Variants in GALNT18 observed in about 807,000 individuals in gnomAD.
The protein encoded by GALNT18 is GalNAc-transferase 18.
Under a neutral mutation model 69.5 loss-of-function variants are expected in GALNT18, and 44 were observed. That is an observed-to-expected ratio of 0.63 (90% CI 0.50 to 0.81). The LOEUF (loss-of-function observed/expected upper bound fraction) is 0.81. Ranked by LOEUF, GALNT18 falls within the 40% of genes least tolerant of loss-of-function variation. The probability of loss-of-function intolerance (pLI) is 0.00; values close to 1 mark genes in which losing one functional copy is unlikely to be tolerated. For synonymous variants in GALNT18, 364 were observed against 318.2 expected, an observed-to-expected ratio of 1.14 and a Z score of -1.53; for missense variants, 715 against 810.0, an observed-to-expected ratio of 0.88 and a Z score of 1.42.
intron 1 of GALNT18, among the ~76,000 whole-genome samples, chr11:11,472,453 G>A (rs1437281138): frequency 6.6e-6 from 1 of 152,182 alleles, no homozygotes; most frequent in Non-Finnish European, 1.5e-5. Flanking sequence ...AGAGAGGGAG[G>A]CAGAGAATAC....
chr11:11,468,831 A>G (rs11021864), intron 1 of GALNT18, among the ~76,000 whole-genome samples: 1 of 152,314 alleles, frequency 6.6e-6, no homozygotes, highest in East Asian at 1.9e-4. Flanking sequence ...CTGGTGCTGG[A>G]GAAAATGTTA....
intron 3 of GALNT18, among the ~76,000 whole-genome samples, chr11:11,397,466 G>A (rs535484780): frequency 4.6e-5 from 7 of 152,152 alleles, no homozygotes; most frequent in Non-Finnish European, 1.0e-4. Flanking sequence ...GAGAACTCTT[G>A]AGGACTTTTA....
rs1857645159 is a variant in GALNT18, at chr11:11,531,433, T to C, written c.236-82497A>G. ...CAGACAATCTGTGCTTGCGTGTACA[T>C]AAGTGTATGCGAGTGCATACGCATC... is the stretch of plus-strand genomic sequence containing the variant. On this transcript the variant is annotated intron_variant, in intron 1 of 10. Transcript: ENST00000227756. Among the ~76,000 whole-genome samples, 3 of 152,190 alleles carry C rather than the reference T, an allele frequency of 2.0e-5. No homozygotes were observed. The South Asian group carries it at 6.2e-4, about 31-fold the overall frequency.
At chr11:11,363,004 C>A (rs1298983909) in intron 6 of GALNT18, among the ~76,000 whole-genome samples, 1 of 152,114 alleles carries the variant, frequency 6.6e-6, no homozygotes, top group African/African-American at 2.4e-5. Context: ...TCTCTATATA[C>A]TGTTATAGAA....
At position 11,542,756 on chromosome 11, in the gene GALNT18, T is replaced by A. The variant is rs1365743560; in HGVS notation, c.235+78603A>T. ...TTTGCCTTTGAGTTCCTTTATAGTC[T>A]AAGAGCCCCTTTCTTCATTATTTCT... On this transcript the variant is annotated intron_variant, in intron 1 of 10. Transcript: ENST00000227756. This position sits in a 1 kb window ranked among gnomAD's most constrained non-coding sequence, Gnocchi z 4.3. Among the ~76,000 whole-genome samples, 1 of 152,244 alleles carries A rather than the reference T, an allele frequency of 6.6e-6. No homozygotes were observed. Among genetic ancestry groups the A allele is most frequent in the Admixed American group, 6.5e-5 (1 of 15,288 alleles).
chr11:11,479,487 G>A (rs1197433968), intron 1 of GALNT18, among the ~76,000 whole-genome samples: 1 of 152,186 alleles, frequency 6.6e-6, no homozygotes, highest in Non-Finnish European at 1.5e-5. Context: ...TAGCAAATAT[G>A]AGTTGAAATA....
intron 1 of GALNT18, among the ~76,000 whole-genome samples, chr11:11,507,796 C>A (rs1367829099): frequency 6.6e-6 from 1 of 152,158 alleles, no homozygotes; most frequent in Non-Finnish European, 1.5e-5. Flanking sequence ...GACCCACCCT[C>A]AATCCGGGTG....
Position 11,618,394 on chromosome 11 carries a change from T to C in GALNT18, c.235+2965A>G, listed in dbSNP as rs1860109576. On this transcript the variant is annotated intron_variant, in intron 1 of 10. Coordinates refer to ENST00000227756, the MANE Select transcript of GALNT18 (RefSeq NM_198516.3). The surrounding 1 kb of genome is among the most constrained non-coding windows in gnomAD (Gnocchi z 6.1). ...AGAATGTGCCAGGGACTGTCCTGCA[T>C]GTTCAGTAAACATTAGTTAAAGGAC... Among the ~76,000 whole-genome samples the C allele has an allele frequency of 6.6e-6, 1 of 152,248 alleles. No homozygotes were observed. The highest frequency in any genetic ancestry group is 2.4e-5 in the African/African-American group (1 of 41,462).
At chr11:11,366,937 T>G (rs1850786203) in intron 6 of GALNT18, among the ~76,000 whole-genome samples, 1 of 152,008 alleles carries the variant, frequency 6.6e-6, no homozygotes, top group Non-Finnish European at 1.5e-5. Flanking sequence ...ATTTAATGAG[T>G]TTAGAATAAA....
Position 11,563,863 on chromosome 11 carries a change from G to A in GALNT18, c.235+57496C>T, listed in dbSNP as rs1412653720. 2.0e-5 allele frequency among the ~76,000 whole-genome samples: 3 copies of A among 152,164 alleles called. No individual in the cohort carries two copies. Among genetic ancestry groups the A allele is most frequent in the Non-Finnish European group, 4.4e-5 (3 of 68,042 alleles). On this transcript the variant is annotated intron_variant, in intron 1 of 10. Coordinates refer to ENST00000227756, the MANE Select transcript of GALNT18 (RefSeq NM_198516.3). The surrounding 1 kb of genome is among the most constrained non-coding windows in gnomAD (Gnocchi z 4.6). Reference sequence around the variant, plus strand: ...AACAGATATCCTTTCCCAGGATTTGGGAGCAAATTTTTGCAAAGCTCCCCA... The same window carrying A: ...AACAGATATCCTTTCCCAGGATTTGAGAGCAAATTTTTGCAAAGCTCCCCA...
chr11:11,280,885 G>C (rs1293820768), intron 10 of GALNT18, among the ~76,000 whole-genome samples: 1 of 152,188 alleles, frequency 6.6e-6, no homozygotes, highest in South Asian at 2.1e-4. Context: ...TTAGAAGCTA[G>C]ACTCTTAGGC....
chr11:11,544,076 G>A (rs1392526446), intron 1 of GALNT18, among the ~76,000 whole-genome samples: 1 of 152,210 alleles, frequency 6.6e-6, no homozygotes, highest in Non-Finnish European at 1.5e-5. Flanking sequence ...CCCCTCTAGA[G>A]GCAAGAAACC....
intron 1 of GALNT18, among the ~76,000 whole-genome samples, chr11:11,508,704 T>G (rs894998252): frequency 4.6e-5 from 7 of 152,206 alleles, no homozygotes; most frequent in African/African-American, 1.4e-4. Flanking sequence ...TGGCACTGGT[T>G]AATGATAATG....
intron 1 of GALNT18, among the ~76,000 whole-genome samples, chr11:11,581,667 C>T (rs765837084): frequency 3.9e-5 from 6 of 152,064 alleles, no homozygotes; most frequent in Non-Finnish European, 7.4e-5. Flanking sequence ...CACTTTATCC[C>T]GCCTGGCTCC....
intron 1 of GALNT18, among the ~76,000 whole-genome samples, chr11:11,466,380 C>A (rs966002256): frequency 6.6e-6 from 1 of 152,182 alleles, no homozygotes; most frequent in Non-Finnish European, 1.5e-5. Context: ...GAAACAATGG[C>A]CATTTTGAAA....
In GALNT18 at chr11:11,352,806, A is replaced by T. The variant is rs1257075248; in HGVS notation, c.1093-11802T>A. 3.1e-6 allele frequency: 5 copies of T among 1,614,198 alleles called. No individual in the cohort carries two copies. The South Asian group carries it at 3.3e-5, about 11-fold the overall frequency. On this transcript the variant is annotated intron_variant, in intron 6 of 10. Transcript: ENST00000227756. Reference sequence around the variant, plus strand: ...AAAAACCAAGGCGGGGGTTCGTGACACAGGGTCTTTTACAATGTCTGCCAG... The same window carrying T: ...AAAAACCAAGGCGGGGGTTCGTGACTCAGGGTCTTTTACAATGTCTGCCAG...
intron 3 of GALNT18, among the ~76,000 whole-genome samples, chr11:11,431,344 G>A (rs1218572544): frequency 6.6e-6 from 1 of 152,126 alleles, no homozygotes; most frequent in Non-Finnish European, 1.5e-5. Flanking sequence ...TAGTCACTAG[G>A]GAATGGGAGT....
Position 11,318,686 on chromosome 11 carries a change from T to A in GALNT18, c.1512+8400A>T, listed in dbSNP as rs1222694220. 1.3e-5 allele frequency among the ~76,000 whole-genome samples: 2 copies of A among 152,118 alleles called. No individual in the cohort carries two copies. The highest frequency in any genetic ancestry group is 2.9e-5 in the Non-Finnish European group (2 of 68,016). On this transcript the variant is annotated intron_variant, in intron 9 of 10. Coordinates refer to ENST00000227756, the MANE Select transcript of GALNT18 (RefSeq NM_198516.3). This position sits in a 1 kb window ranked among gnomAD's most constrained non-coding sequence, Gnocchi z 5.1. ...GCTGTGACCCATAAGAGTCACTGAG[T>A]CACTAGTGGCCTGGAGTGTCCCTCG... is the stretch of plus-strand genomic sequence containing the variant.
rs180743410 is a variant in GALNT18, at chr11:11,584,588, T to C, written c.235+36771A>G. On this transcript the variant is annotated intron_variant, in intron 1 of 10. Transcript: ENST00000227756. The surrounding 1 kb of genome is among the most constrained non-coding windows in gnomAD (Gnocchi z 4.1). ...ACAGAGAGCCGTTTGCCCCTTGAGA[T>C]TCCTGAGGAGTGTGGAGAGCAAAGA... Among the ~76,000 whole-genome samples, 121 of 152,284 alleles carry C rather than the reference T, an allele frequency of 7.9e-4. No homozygotes were observed. The East Asian group carries it at 0.02, about 25-fold the overall frequency.
Sources: allele counts gnomAD v4.1 joint callset (sites outside exome capture counted in the v4.1 genomes callset), GRCh38; gene constraint gnomAD v4.1.1; non-coding constraint Gnocchi (gnomAD v3.1); transcripts MANE v1.5; gene names NCBI Gene and HGNC (gene_info 2026-07-23, HGNC 2026-07-21).